The following ASMTL variants were observed in gnomAD, a reference collection of about 807,000 sequenced individuals.
ASMTL encodes acetylserotonin O-methyltransferase like, also known as probable bifunctional dTTP/UTP pyrophosphatase/methyltransferase protein.
In ASMTL, 57 loss-of-function variants were observed where a neutral mutation model predicts 60.3. That is an observed-to-expected ratio of 0.95 (90% confidence interval 0.76 to 1.18). The LOEUF (loss-of-function observed/expected upper bound fraction) is 1.18, where lower values mean the gene tolerates loss of function less well. Among genes scored for constraint, ASMTL ranks in the 50% most tolerant of loss-of-function variants. The pLI is 0.00. For synonymous variants in ASMTL, 419 were observed against 373.0 expected (o/e 1.12, Z -1.42); for missense variants, 981 against 852.6 (o/e 1.15, Z -1.88).
In ASMTL at chrX:1,411,762, C is replaced by G. The variant is rs137973810; in HGVS notation, c.1645+970G>C. On this transcript the variant is annotated intron_variant, in intron 12 of 12. Transcript: ENST00000381317. ...GAATGAAGACTTTTATCATGAGCCA[C>G]TTCAACTTCACGAATAGTAAATATA... is the stretch of plus-strand genomic sequence containing the variant. Among the ~76,000 whole-genome samples, 1,120 of 148,700 alleles carry G rather than the reference C, an allele frequency of 7.5e-3. 21 individuals are homozygous for G. Among genetic ancestry groups the G allele is most frequent in the African/African-American group, 0.027 (1,086 of 40,192 alleles).
chrX:1,438,089 G>C (rs2091017809), intron 3 of ASMTL, among the ~76,000 whole-genome samples: 1 of 151,824 alleles, frequency 6.6e-6, no homozygotes, highest in Non-Finnish European at 1.5e-5. Context: ...GGGAGTTTGA[G>C]ACCAGCCTGG....
intron 8 of ASMTL, among the ~76,000 whole-genome samples, chrX:1,424,923 TATCC>T (rs2090575800): frequency 9.3e-6 from 1 of 106,974 alleles, no homozygotes; most frequent in African/African-American, 3.1e-5. Flanking sequence ...TCCATGTATC[TATCC>T]ATCCATTGAT....
At chrX:1,416,867 A>G (rs185984012) in intron 11 of ASMTL, among the ~76,000 whole-genome samples, 3,998 of 150,806 alleles carry the variant, frequency 0.027, 182 homozygotes, top group African/African-American at 0.094. Flanking sequence ...ATGTACACAT[A>G]TATCCACAGA....
chrX:1,447,353 CACA>C (rs2091248875), intron 1 of ASMTL, among the ~76,000 whole-genome samples: 1 of 151,654 alleles, frequency 6.6e-6, no homozygotes, highest in South Asian at 2.1e-4. Flanking sequence ...ATCTTGGACA[CACA>C]ACATCTTGGA....
intron 12 of ASMTL, among the ~76,000 whole-genome samples, chrX:1,405,213 AATGG>A (rs1219983382): frequency 6.8e-5 from 8 of 117,470 alleles, no homozygotes; most frequent in African/African-American, 2.5e-4. Context: ...TAGATAGATG[AATGG>A]ATGGATAGAT....
intron 12 of ASMTL, among the ~76,000 whole-genome samples, chrX:1,407,629 A>G (rs1357992417): frequency 6.6e-6 from 1 of 152,106 alleles, no homozygotes; most frequent in Non-Finnish European, 1.5e-5. Context: ...CACACCTGTA[A>G]TCGCAGCACT....
intron 11 of ASMTL, among the ~76,000 whole-genome samples, chrX:1,414,975 G>T (rs747821176): frequency 6.6e-6 from 1 of 152,000 alleles, no homozygotes; most frequent in African/African-American, 2.4e-5. Context: ...GAGTTTTGCT[G>T]TGTTGCCCAG....
chrX:1,404,459 T>C (rs777888079), intron 12 of ASMTL, among the ~76,000 whole-genome samples: 146 of 118,270 alleles, frequency 1.2e-3, no homozygotes, highest in African/African-American at 4.6e-3. Context: ...AATAGATGGG[T>C]AGGTAGGTAG....
chrX:1,448,272 A>C (rs867600429), intron 1 of ASMTL, among the ~76,000 whole-genome samples: 5,527 of 54,048 alleles, frequency 0.1, no homozygotes, highest in Middle Eastern at 0.18. Context: ...TGGACACACA[A>C]CATCTTGGAC....
Position 1,421,861 on chromosome X carries a change from T to A in ASMTL, c.1061-19A>T. 6.2e-7 allele frequency: 1 copy of A among 1,612,736 alleles called. No individual in the cohort carries two copies. Among genetic ancestry groups the A allele is most frequent in the Non-Finnish European group, 8.5e-7 (1 of 1,178,850 alleles). On this transcript the variant is annotated intron_variant, in intron 8 of 12. Coordinates refer to ENST00000381317, the MANE Select transcript of ASMTL (RefSeq NM_004192.4). ...CTGTAACCTGGAGAAATGGGGACAG[T>A]CGTGTGACCTCCTAACGAGAAAACC... is the stretch of plus-strand genomic sequence containing the variant.
intron 12 of ASMTL, among the ~76,000 whole-genome samples, chrX:1,410,296 C>G (rs1254091096): frequency 1.4e-5 from 2 of 140,138 alleles, no homozygotes; most frequent in Non-Finnish European, 3.1e-5. Context: ...CTCCCAAATA[C>G]TCGGGAGGCT....
At chrX:1,417,931 A>C in intron 11 of ASMTL, 42 bp downstream of exon 11, 2 of 1,567,194 alleles carry the variant, frequency 1.3e-6, no homozygotes, top group South Asian at 2.3e-5. Context: ...GAGATGCTGC[A>C]GTCTGGAAAA....
At chrX:1,411,061 A>C (rs5948998) in intron 12 of ASMTL, among the ~76,000 whole-genome samples, 131,207 of 151,498 alleles carry the variant, frequency 0.87, 56,968 homozygotes, top group Middle Eastern at 0.97. Context: ...GGTATGTGCC[A>C]GTAATCCAGC....
At chrX:1,438,596 C>CT (rs1204709970) in intron 3 of ASMTL, among the ~76,000 whole-genome samples, 1 of 152,170 alleles carries the variant, frequency 6.6e-6, no homozygotes, top group Non-Finnish European at 1.5e-5. Flanking sequence ...TCACTGCAAC[C>CT]CCGCCTCCTG....
upstream of ASMTL, chrX:1,452,958 G>GC: frequency 1.3e-6 from 1 of 764,862 alleles, no homozygotes; most frequent in East Asian, 3.2e-5. Context: ...CCACGCCCCC[G>GC]CCCGCCTCCG....
chrX:1,407,052 GGATGGATGGATGCATGCATGGATGA>G (rs2089884119), intron 12 of ASMTL, among the ~76,000 whole-genome samples: 16 of 150,868 alleles, frequency 1.1e-4, no homozygotes, highest in Admixed American at 9.9e-4. Flanking sequence ...GTAGATGGAT[GGATGGATGGATGCATGCATGGATGA>G]GATGGATGGG....
Position 1,435,258 on chromosome X carries a change from CG to C in ASMTL, c.339-176del, listed in dbSNP as rs201975992. The C allele has an allele frequency of 2.5e-4, 179 of 709,046 alleles. No homozygotes were observed. In the Middle Eastern group the frequency reaches 3.0e-3, roughly 12 times the overall value. 43.9% of individuals were successfully genotyped at this position (709,046 alleles called of 1,614,324 possible). On this transcript the variant is annotated intron_variant, in intron 4 of 12. Coordinates refer to ENST00000381317, the MANE Select transcript of ASMTL (RefSeq NM_004192.4). ...TCCAGGGAAACCTTTACGGAGAGGC[CG>C]AGGGAAGGGGTCACAAATCCCACCA... is the stretch of plus-strand genomic sequence containing the variant.
Position 1,419,580 on chromosome X carries a change from G to A in ASMTL, c.1246-466C>T, listed in dbSNP as rs118113956. 4.5e-3 allele frequency among the ~76,000 whole-genome samples: 683 copies of A among 151,966 alleles called. 7 individuals carry two copies. Among genetic ancestry groups the A allele is most frequent in the African/African-American group, 0.015 (621 of 41,440 alleles). On this transcript the variant is annotated intron_variant, in intron 9 of 12. Coordinates refer to ENST00000381317, the MANE Select transcript of ASMTL (RefSeq NM_004192.4). The stretch of plus-strand genomic sequence containing the variant: ...TGGTGTGCAGAGGAGAAGCTCCTCC[G>A]AGCTTCTCCAAGTCCCCCCAGTGGC...
intron 6 of ASMTL, among the ~76,000 whole-genome samples, chrX:1,429,364 G>C (rs142436156): frequency 1.3e-5 from 2 of 151,854 alleles, no homozygotes; most frequent in East Asian, 3.9e-4. Context: ...CACTCAGCTA[G>C]TTTTATCATT....
Sources: gnomAD v4.1 joint callset for allele counts (sites outside exome capture counted in the v4.1 genomes callset) on GRCh38, gnomAD v4.1.1 for gene constraint, MANE v1.5 for transcripts, NCBI Gene and HGNC (gene_info 2026-07-23, HGNC 2026-07-21) for gene names.